Variants in LRP1B observed in about 807,000 individuals in gnomAD.
The protein encoded by LRP1B is low-density lipoprotein receptor-related protein 1B.
LRP1B carries 217 observed loss-of-function variants against 556.6 expected under a neutral mutation model. The observed-to-expected ratio is 0.39, with a 90% confidence interval of 0.35 to 0.44. The LOEUF is 0.44. Ranked by LOEUF, LRP1B falls within the 20% of genes least tolerant of loss-of-function variation. The pLI, the probability that LRP1B is intolerant of heterozygous loss-of-function variation, is 1.00. For missense variants in LRP1B, 5,053 were observed against 5,620.8 expected, an observed-to-expected ratio of 0.90 and a Z score of 3.23; for synonymous variants, 2,047 against 1,865.8, an observed-to-expected ratio of 1.10 and a Z score of -2.50.
intron 1 of LRP1B, among the ~76,000 whole-genome samples, chr2:142,007,477 T>A (rs1216448933): frequency 6.6e-6 from 1 of 152,194 alleles, no homozygotes; most frequent in Non-Finnish European, 1.5e-5. Flanking sequence ...TCATTAGAAT[T>A]TTCCAAGCAA....
At chr2:140,493,177 C>T (rs1688776869) in intron 56 of LRP1B, among the ~76,000 whole-genome samples, 1 of 152,054 alleles carries the variant, frequency 6.6e-6, no homozygotes, top group Non-Finnish European at 1.5e-5. Context: ...TGCCTGAGGA[C>T]TTGTCTTAAA....
intron 43 of LRP1B, among the ~76,000 whole-genome samples, chr2:140,596,716 G>A (rs1034616721): frequency 6.6e-5 from 10 of 152,142 alleles, no homozygotes; most frequent in African/African-American, 2.4e-4. Flanking sequence ...TTGCACAGGC[G>A]CTGAAGTGAG....
intron 63 of LRP1B, among the ~76,000 whole-genome samples, chr2:140,446,911 G>T (rs1273706170): frequency 6.6e-6 from 1 of 151,884 alleles, no homozygotes; most frequent in African/African-American, 2.4e-5. Context: ...GAAAATATTT[G>T]CAAACAGTAC....
In LRP1B at chr2:141,273,969, C is replaced by T. The variant is rs533359249; in HGVS notation, c.344-19328G>A. On this transcript the variant is annotated intron_variant, in intron 3 of 90. Coordinates refer to ENST00000389484, the MANE Select transcript of LRP1B (RefSeq NM_018557.3). The stretch of plus-strand genomic sequence containing the variant: ...AATAAACACATAAATGGATATTCAA[C>T]GTCTGTAATCATTATGCAAATGTAA... Among the ~76,000 whole-genome samples the T allele has an allele frequency of 4.2e-3, 646 of 152,300 alleles. 3 individuals carry two copies. The highest frequency in any genetic ancestry group is 0.014 in the African/African-American group (563 of 41,562).
intron 1 of LRP1B, among the ~76,000 whole-genome samples, chr2:142,128,358 C>T (rs1707729819): frequency 6.6e-6 from 1 of 152,146 alleles, no homozygotes; most frequent in Non-Finnish European, 1.5e-5. Context: ...CTACAAAACG[C>T]ATCTGTATAA....
intron 3 of LRP1B, among the ~76,000 whole-genome samples, chr2:141,427,397 T>C (rs1448365528): frequency 6.6e-6 from 1 of 152,192 alleles, no homozygotes; most frequent in Non-Finnish European, 1.5e-5. Flanking sequence ...ATGGCCAATA[T>C]GGCTTGACAA....
At chr2:140,317,968 C>T (rs968108884) in intron 82 of LRP1B, among the ~76,000 whole-genome samples, 1 of 149,846 alleles carries the variant, frequency 6.7e-6, no homozygotes, top group South Asian at 2.1e-4. Flanking sequence ...CTAAATCACC[C>T]CCAGAAGCCA....
At chr2:140,396,321 A>C (rs1467452897) in intron 66 of LRP1B, among the ~76,000 whole-genome samples, 1 of 152,184 alleles carries the variant, frequency 6.6e-6, no homozygotes, top group Non-Finnish European at 1.5e-5. Flanking sequence ...AGTTGAATCT[A>C]CTAAAATATC....
chr2:141,711,674 AC>A (rs1357404236), intron 2 of LRP1B, among the ~76,000 whole-genome samples: 9 of 152,138 alleles, frequency 5.9e-5, no homozygotes, highest in Non-Finnish European at 1.0e-4. Context: ...TATAAAATTC[AC>A]AAAAGTCCTT....
intron 7 of LRP1B, among the ~76,000 whole-genome samples, chr2:141,105,792 A>T (rs1700588946): frequency 6.6e-6 from 1 of 152,160 alleles, no homozygotes; most frequent in Non-Finnish European, 1.5e-5. Flanking sequence ...CATTGGAATT[A>T]AAGTGATTTT....
At chr2:141,373,031 A>G (rs1186159999) in intron 3 of LRP1B, among the ~76,000 whole-genome samples, 2 of 152,036 alleles carry the variant, frequency 1.3e-5, no homozygotes, top group African/African-American at 4.8e-5. Flanking sequence ...AGGTTTTAGT[A>G]TGTTGTGTTT....
chr2:140,727,329 G>A (rs1356300149), intron 35 of LRP1B, among the ~76,000 whole-genome samples: 1 of 152,110 alleles, frequency 6.6e-6, no homozygotes, highest in African/African-American at 2.4e-5. Context: ...GGAGGGACAG[G>A]CCTGAAATCT....
chr2:140,509,793 T>C, intron 52 of LRP1B, 135 bp downstream of exon 52: 2 of 1,193,274 alleles, frequency 1.7e-6, no homozygotes, highest in South Asian at 3.2e-5. Context: ...CCCACCTGAT[T>C]AAGTCCAATA....
intron 2 of LRP1B, among the ~76,000 whole-genome samples, chr2:141,519,693 T>C (rs948448950): frequency 4.1e-5 from 6 of 147,404 alleles, no homozygotes; most frequent in African/African-American, 2.6e-5. Flanking sequence ...GGCTACAGAT[T>C]TCTATATATA....
intron 83 of LRP1B, among the ~76,000 whole-genome samples, chr2:140,313,943 G>T (rs1171769587): frequency 1.3e-5 from 2 of 151,698 alleles, no homozygotes; most frequent in Non-Finnish European, 2.9e-5. Context: ...AATATTTATA[G>T]ACATAAAATT....
chr2:140,915,682 AAATAAAAT>A (rs1281504792), intron 21 of LRP1B, among the ~76,000 whole-genome samples: 4 of 117,308 alleles, frequency 3.4e-5, no homozygotes, highest in Non-Finnish European at 3.7e-5. Context: ...ATAAATAAAT[AAATAAAAT>A]AAATCTAAAA....
At chr2:141,488,276 C>T (rs1683190500) in intron 2 of LRP1B, among the ~76,000 whole-genome samples, 1 of 151,968 alleles carries the variant, frequency 6.6e-6, no homozygotes, top group South Asian at 2.1e-4. Flanking sequence ...GTAAAAAATA[C>T]TTTGCTATGT....
intron 66 of LRP1B, among the ~76,000 whole-genome samples, chr2:140,407,649 A>G (rs1684799076): frequency 6.6e-6 from 1 of 152,130 alleles, no homozygotes; most frequent in African/African-American, 2.4e-5. Flanking sequence ...CTCCTATAAG[A>G]ATGATCATAA....
chr2:140,893,319 T>C (rs1456367837), intron 23 of LRP1B, among the ~76,000 whole-genome samples: 1 of 152,238 alleles, frequency 6.6e-6, no homozygotes, highest in African/African-American at 2.4e-5. Flanking sequence ...TTTGATTCAA[T>C]CTCAACTTTT....
Sources: gnomAD v4.1 joint callset for allele counts (sites outside exome capture counted in the v4.1 genomes callset) on GRCh38, gnomAD v4.1.1 for gene constraint, MANE v1.5 for transcripts, NCBI Gene and HGNC (gene_info 2026-07-23, HGNC 2026-07-21) for gene names.